LARP4B: variants seen among roughly 807,000 people sequenced by gnomAD.
LARP4B encodes the protein la-related protein 4B.
A neutral mutation model predicts 89.8 loss-of-function variants in LARP4B; 12 were observed. The ratio of observed to expected loss-of-function variants is 0.13; its 90% CI spans 0.09 to 0.22. LARP4B has a LOEUF of 0.22. Among genes scored for constraint, LARP4B ranks in the 10% least tolerant of loss-of-function variants. The pLI is 1.00. For synonymous variants in LARP4B, 367 were observed against 363.3 expected, an observed-to-expected ratio of 1.01 and a Z score of -0.12; for missense variants, 757 against 947.7, an observed-to-expected ratio of 0.80 and a Z score of 2.64.
chr10:937,824 G>A, the LARP4B span, among the ~76,000 whole-genome samples: 4 of 152,150 alleles, frequency 2.6e-5, no homozygotes, highest in Non-Finnish European at 5.9e-5. Context: ...TTAGCTCCGA[G>A]GTCAGAGGAA....
At chr10:882,019 C>T (rs1252447661) in intron 3 of LARP4B, among the ~76,000 whole-genome samples, 1 of 152,140 alleles carries the variant, frequency 6.6e-6, no homozygotes, top group East Asian at 1.9e-4. Flanking sequence ...CAGAAGGGAA[C>T]AGAATGTGGA....
chr10:944,756 G>A, the LARP4B span, among the ~76,000 whole-genome samples: 1 of 151,810 alleles, frequency 6.6e-6, no homozygotes, highest in Admixed American at 6.6e-5. Context: ...TTGAAGTCCT[G>A]GCCCTAAGTT....
the LARP4B span, chr10:988,296 T>G: frequency 4.6e-5 from 28 of 611,212 alleles, no homozygotes; most frequent in South Asian, 5.3e-4. Context: ...ACGCCCTCCG[T>G]GGCTGACCTC....
chr10:979,487 T>A, the LARP4B span, among the ~76,000 whole-genome samples: 4 of 152,212 alleles, frequency 2.6e-5, no homozygotes, highest in African/African-American at 7.2e-5. Context: ...GGGCTGAGCC[T>A]TGGTGTCACT....
At chr10:954,597 G>A in the LARP4B span, among the ~76,000 whole-genome samples, 2 of 152,158 alleles carry the variant, frequency 1.3e-5, no homozygotes, top group African/African-American at 4.8e-5. The surrounding 1 kb of genome is among the most constrained non-coding windows in gnomAD (Gnocchi z 5.0). Flanking sequence ...GCTGCGTGGA[G>A]TCACGGGACC....
At chr10:857,866 G>T (rs190308104) in intron 5 of LARP4B, among the ~76,000 whole-genome samples, 111 of 152,234 alleles carry the variant, frequency 7.3e-4, no homozygotes, top group Non-Finnish European at 7.1e-4. Context: ...CCAAAAGATG[G>T]ATCCTTTAAA....
At chr10:899,410 T>C (rs1035623755) in intron 1 of LARP4B, among the ~76,000 whole-genome samples, 1 of 152,238 alleles carries the variant, frequency 6.6e-6, no homozygotes, top group Non-Finnish European at 1.5e-5. Flanking sequence ...CCTGTTCTAT[T>C]TGCCATGTTC....
At chr10:850,189 G>T (rs1311240388) in intron 5 of LARP4B, among the ~76,000 whole-genome samples, 1 of 152,190 alleles carries the variant, frequency 6.6e-6, no homozygotes, top group Non-Finnish European at 1.5e-5. Context: ...ATAGCAAGAT[G>T]AGAGACCTAA....
the LARP4B span, among the ~76,000 whole-genome samples, chr10:950,574 A>G: frequency 1.3e-5 from 2 of 152,160 alleles, no homozygotes; most frequent in Non-Finnish European, 2.9e-5. Context: ...TTAAATCTAT[A>G]TATCATTTTG....
At chr10:851,177 T>G (rs1237475896) in intron 5 of LARP4B, among the ~76,000 whole-genome samples, 2 of 146,448 alleles carry the variant, frequency 1.4e-5, no homozygotes, top group African/African-American at 5.0e-5. Context: ...ATGAAAACAC[T>G]AACTTTTTTT....
chr10:970,309 G>C, the LARP4B span, among the ~76,000 whole-genome samples: 5 of 152,212 alleles, frequency 3.3e-5, no homozygotes, highest in Non-Finnish European at 1.5e-5. Context: ...GTAGGAGAGT[G>C]CTTTTGGAAG....
chr10:913,421 C>G (rs767656903), intron 1 of LARP4B, among the ~76,000 whole-genome samples: 3 of 152,174 alleles, frequency 2.0e-5, no homozygotes, highest in Non-Finnish European at 2.9e-5. Context: ...AATATTTCAT[C>G]AGACAAATAG....
At chr10:960,972 G>C in the LARP4B span, among the ~76,000 whole-genome samples, 3 of 152,142 alleles carry the variant, frequency 2.0e-5, no homozygotes, top group Admixed American at 1.3e-4. Context: ...CAAAGCCCCA[G>C]AGAGGCAGAA....
the LARP4B span, chr10:986,917 G>T: frequency 2.7e-5 from 4 of 145,948 alleles, no homozygotes; most frequent in Admixed American, 2.8e-4. Flanking sequence ...TCCAGCCTGC[G>T]CGACAGAGTG....
intron 1 of LARP4B, among the ~76,000 whole-genome samples, chr10:906,578 G>A (rs1008311254): frequency 3.6e-5 from 4 of 111,030 alleles, no homozygotes; most frequent in Admixed American, 1.9e-4. Flanking sequence ...CTACCTCCTT[G>A]TCTCCTTGAG....
chr10:923,904 AAAC>A (rs1837059916), intron 1 of LARP4B, among the ~76,000 whole-genome samples: 1 of 152,240 alleles, frequency 6.6e-6, no homozygotes, highest in African/African-American at 2.4e-5. Flanking sequence ...AATATACTTT[AAAC>A]AACTGGCAAA....
chr10:928,823 C>G (rs921255116), intron 1 of LARP4B, among the ~76,000 whole-genome samples: 6 of 152,188 alleles, frequency 3.9e-5, no homozygotes, highest in African/African-American at 1.4e-4. Context: ...CTAAACTCAC[C>G]TAGGCCTCCC....
chr10:954,548 A>G, the LARP4B span, among the ~76,000 whole-genome samples: 3 of 152,136 alleles, frequency 2.0e-5, no homozygotes, highest in African/African-American at 4.8e-5. This position sits in a 1 kb window ranked among gnomAD's most constrained non-coding sequence, Gnocchi z 5.0. Flanking sequence ...GAGTCGGGAC[A>G]TGGCCTTGGC....
intron 1 of LARP4B, among the ~76,000 whole-genome samples, chr10:930,994 C>T (rs1173470400): frequency 1.3e-5 from 2 of 150,386 alleles, no homozygotes; most frequent in Non-Finnish European, 3.0e-5. Flanking sequence ...GCCCGACCCC[C>T]GTCCTCGCCG....
Sources: allele counts gnomAD v4.1 joint callset (sites outside exome capture counted in the v4.1 genomes callset), GRCh38; gene constraint gnomAD v4.1.1; non-coding constraint Gnocchi (gnomAD v3.1); transcripts MANE v1.5; gene names NCBI Gene and HGNC (gene_info 2026-07-23, HGNC 2026-07-21).